Variants in ZNF138 observed in about 807,000 individuals in gnomAD.
ZNF138 encodes the protein zinc finger protein 138, also known as zinc finger protein 138 (clone pHZ-32).
Under a neutral mutation model 33.0 loss-of-function variants are expected in ZNF138, and 33 were observed. The observed-to-expected ratio is 1.00, with a 90% CI of 0.76 to 1.34. The LOEUF is 1.34. Ranked by LOEUF, ZNF138 falls within the 40% of genes most tolerant of loss-of-function variation. The pLI is 0.00. For missense variants in ZNF138, 360 were observed against 370.8 expected (o/e 0.97, Z 0.24); for synonymous variants, 139 against 120.4 (o/e 1.15, Z -1.01).
intron 1 of ZNF138, among the ~76,000 whole-genome samples, chr7:64,811,643 A>G (rs1336770481): frequency 6.6e-6 from 1 of 152,246 alleles, no homozygotes; most frequent in Non-Finnish European, 1.5e-5. Context: ...AGATTTATTC[A>G]GACATAGCTG....
chr7:64,809,666 C>T (rs1430574709), intron 1 of ZNF138, among the ~76,000 whole-genome samples: 2 of 147,898 alleles, frequency 1.4e-5, no homozygotes, highest in East Asian at 4.2e-4. Flanking sequence ...CCAGATGGGG[C>T]TGCTGCCGGG....
At chr7:64,827,187 C>T (rs533354990) in intron 3 of ZNF138, among the ~76,000 whole-genome samples, 1 of 151,476 alleles carries the variant, frequency 6.6e-6, no homozygotes, top group East Asian at 2.0e-4. Context: ...AGTGATCTGA[C>T]TGCCTTGGCC....
chr7:64,850,129 T>G, the ZNF138 span, among the ~76,000 whole-genome samples: 2 of 152,346 alleles, frequency 1.3e-5, no homozygotes, highest in South Asian at 4.1e-4. Context: ...CTTTTCCCAC[T>G]TCTTCTACCT....
intron 1 of ZNF138, among the ~76,000 whole-genome samples, chr7:64,810,670 A>G (rs10275714): frequency 0.99 from 150,045 of 152,254 alleles, 73,972 homozygotes; most frequent in East Asian, 1. Flanking sequence ...AGCAAAAACA[A>G]TAGGAAATAC....
At chr7:64,827,956 A>C (rs528497518) in intron 3 of ZNF138, among the ~76,000 whole-genome samples, 36 of 152,288 alleles carry the variant, frequency 2.4e-4, no homozygotes, top group Non-Finnish European at 3.1e-4. Context: ...CCATATGTCT[A>C]CTGCCGATAT....
chr7:64,834,336 A>G (rs1790303118), downstream of ZNF138, among the ~76,000 whole-genome samples: 1 of 152,242 alleles, frequency 6.6e-6, no homozygotes, highest in African/African-American at 2.4e-5. Context: ...AGTATCAGAG[A>G]ATTCACAGTA....
downstream of ZNF138, chr7:64,836,674 A>G (rs1046436303): frequency 1.3e-5 from 2 of 152,166 alleles, no homozygotes; most frequent in Non-Finnish European, 1.5e-5. Flanking sequence ...TGCCTCATGG[A>G]TATTGCACCA....
the ZNF138 span, among the ~76,000 whole-genome samples, chr7:64,848,214 C>A: frequency 6.6e-6 from 1 of 152,124 alleles, no homozygotes. Flanking sequence ...GCTGAGAAAT[C>A]TGCTCTTAAT....
At chr7:64,814,689 G>T (rs890330946) in intron 1 of ZNF138, among the ~76,000 whole-genome samples, 3 of 152,034 alleles carry the variant, frequency 2.0e-5, no homozygotes, top group Admixed American at 6.6e-5. Flanking sequence ...CTTGAACCTG[G>T]GAGGCAGAGG....
chr7:64,826,426 T>C (rs1425195638), intron 3 of ZNF138, among the ~76,000 whole-genome samples: 1 of 151,972 alleles, frequency 6.6e-6, no homozygotes, highest in Admixed American at 6.6e-5. Context: ...ATTACAGGCA[T>C]GCACCACCAT....
chr7:64,842,749 T>C, the ZNF138 span, among the ~76,000 whole-genome samples: 2 of 152,252 alleles, frequency 1.3e-5, no homozygotes, highest in African/African-American at 4.8e-5. Context: ...GTATTTATTT[T>C]GTAAAACATA....
chr7:64,854,853 T>A, the ZNF138 span, among the ~76,000 whole-genome samples: 2 of 152,160 alleles, frequency 1.3e-5, no homozygotes, highest in Admixed American at 1.3e-4. Flanking sequence ...TACAAATAAT[T>A]TTCATGGGTA....
chr7:64,794,675 A>G (rs1786544389), intron 1 of ZNF138, 104 bp downstream of exon 1: 2 of 1,552,088 alleles, frequency 1.3e-6, no homozygotes, highest in East Asian at 2.3e-5. Context: ...GTCGGCTGCA[A>G]AATCCGCGGC....
chr7:64,804,031 T>G (rs1442601456), intron 1 of ZNF138, among the ~76,000 whole-genome samples: 1 of 152,204 alleles, frequency 6.6e-6, no homozygotes, highest in Non-Finnish European at 1.5e-5. Flanking sequence ...TCCACTATAT[T>G]AACAAAGTCA....
chr7:64,809,674 G>A (rs1455000372), intron 1 of ZNF138, among the ~76,000 whole-genome samples: 4 of 148,124 alleles, frequency 2.7e-5, no homozygotes, highest in Admixed American at 6.7e-5. Context: ...GGCTGCTGCC[G>A]GGCGGAGGGG....
rs1554367736 is a variant in ZNF138 at position 64,821,040 on chromosome 7, T to TTG, written c.208+5388_208+5389insGT. Among the ~76,000 whole-genome samples the TTG allele has an allele frequency of 5.5e-4, 48 of 86,616 alleles. 3 individuals carry two copies. Among genetic ancestry groups the TTG allele is most frequent in the Middle Eastern group, 5.2e-3 (1 of 192 alleles). 56.8% of individuals were successfully genotyped at this position (86,616 alleles called of 152,430 possible). On this transcript the variant is annotated intron_variant, in intron 3 of 3. Transcript: ENST00000307355. ...CTAATTGGTGTGAGGTGATTGTTTT[T>TTG]TTTTGTTTTGTTTTTGGTTTTTTTG...
At position 64,832,423 on chromosome 7, in the gene ZNF138, A is replaced by T. The variant is rs918296293; in HGVS notation, c.*221A>T. On this transcript the variant is annotated 3_prime_UTR_variant, in exon 4 of 4. Coordinates refer to ENST00000307355, the MANE Select transcript of ZNF138 (RefSeq NM_001271639.2). ...ACTGGAGAAAAACCCTACAAATGTA[A>T]AGAATGTGGAAAAGCTTTTCACCGA... The T allele has an allele frequency of 1.3e-6, 2 of 1,483,074 alleles. No homozygotes were observed. Among genetic ancestry groups the T allele is most frequent in the Non-Finnish European group, 1.8e-6 (2 of 1,116,732 alleles). The allele number at this position is 1,483,074 out of a possible 1,614,324, so 91.9% of individuals were successfully genotyped here.
In ZNF138 at chr7:64,794,460, T is replaced by G; in HGVS notation, c.-109T>G. On this transcript the variant is annotated 5_prime_UTR_variant, in exon 1 of 4. Coordinates refer to ENST00000307355, the MANE Select transcript of ZNF138 (RefSeq NM_001271639.2). ...TGCAGCGGGTGCTGCAGGTCTGGCC[T>G]TCACTTTTCTGCGTCCTCTTACTCC... is the stretch of plus-strand genomic sequence containing the variant. 6.5e-7 allele frequency: 1 copy of G among 1,544,510 alleles called. No homozygotes were observed. The highest frequency in any genetic ancestry group is 8.9e-7 in the Non-Finnish European group (1 of 1,123,512).
the ZNF138 span, among the ~76,000 whole-genome samples, chr7:64,840,817 A>G: frequency 6.6e-6 from 1 of 152,162 alleles, no homozygotes; most frequent in Non-Finnish European, 1.5e-5. Flanking sequence ...AAAATTAGCT[A>G]TGCACGTATG....
Sources: gnomAD v4.1 joint callset for allele counts (sites outside exome capture counted in the v4.1 genomes callset) on GRCh38, gnomAD v4.1.1 for gene constraint, MANE v1.5 for transcripts, NCBI Gene and HGNC (gene_info 2026-07-23, HGNC 2026-07-21) for gene names.